CRLF2: variants seen among roughly 807,000 people sequenced by gnomAD.
CRLF2 encodes cytokine receptor-like factor 2.
In CRLF2, 41 loss-of-function variants were observed where a neutral mutation model predicts 38.7. That is an observed-to-expected ratio of 1.06 (90% confidence interval 0.83 to 1.37). The LOEUF is 1.37. Among genes scored for constraint, CRLF2 ranks in the 40% most tolerant of loss-of-function variants. The probability of loss-of-function intolerance (pLI) is 0.00; values close to 1 mark genes in which losing one functional copy is unlikely to be tolerated. For missense variants in CRLF2, 377 were observed against 322.2 expected, an observed-to-expected ratio of 1.17 and a Z score of -1.30; for synonymous variants, 140 against 128.8, an observed-to-expected ratio of 1.09 and a Z score of -0.59.
In CRLF2 at chrX:1,197,957, G is replaced by A. The variant is rs182652571; in HGVS notation, c.646+605C>T. On this transcript the variant is annotated intron_variant, in intron 5 of 7. Transcript: ENST00000400841. The stretch of plus-strand genomic sequence containing the variant: ...ACAGATGTTGCAGGGAGCCGAGATC[G>A]CGCCACTGCACTCCAGCCTGGGCAC... 1.5e-4 allele frequency among the ~76,000 whole-genome samples: 23 copies of A among 152,206 alleles called. No homozygotes were observed. The East Asian group carries it at 1.9e-3, about 13-fold the overall frequency.
At chrX:1,209,873 G>A (rs9785532) in intron 1 of CRLF2, among the ~76,000 whole-genome samples, 2,696 of 151,802 alleles carry the variant, frequency 0.018, 70 homozygotes, top group African/African-American at 0.061. Flanking sequence ...AGGCCGAGGC[G>A]GGTGGATCAC....
Position 1,190,563 on chromosome X carries a change from AC to A in CRLF2, c.*333del, listed in dbSNP as rs2086358293. 1 of 317,270 alleles carries A rather than the reference AC, an allele frequency of 3.2e-6. No homozygotes were observed. The highest frequency in any genetic ancestry group is 5.7e-6 in the Non-Finnish European group (1 of 174,222). 19.7% of individuals were successfully genotyped at this position (317,270 alleles called of 1,614,324 possible). ...GGTACATGGACGGAACTGGGGACTC[AC>A]AGAGTGGGAAGATGGTTTTACAGCA... On this transcript the variant is annotated 3_prime_UTR_variant, in exon 8 of 8. Coordinates refer to ENST00000400841, the MANE Select transcript of CRLF2 (RefSeq NM_022148.4).
intron 4 of CRLF2, 35 bp downstream of exon 4, chrX:1,202,367 C>A: frequency 6.2e-7 from 1 of 1,611,646 alleles, no homozygotes; most frequent in Non-Finnish European, 8.5e-7. Context: ...GGACGCTCAG[C>A]CACCATCGCC....
At chrX:1,196,615 C>T (rs2086480119) in intron 6 of CRLF2, among the ~76,000 whole-genome samples, 165 bp downstream of exon 6, 1 of 151,910 alleles carries the variant, frequency 6.6e-6, no homozygotes, top group Non-Finnish European at 1.5e-5. Context: ...GCCACCATGC[C>T]CAGCCCCTCC....
rs2086364032 is a variant in CRLF2 at position 1,191,016 on chromosome X, C to T, written c.997G>A (p.Glu333Lys). ...AGGGATCCCCCAGAGGCCTCTTTCT[C>T]CTCGGTCTGTGGGTCCAGCATCCTG... ...SPRMLDPQTEEKEASGGSLQL... is the reference protein window; with the variant it reads ...SPRMLDPQTEKKEASGGSLQL... The change falls in exon 8 of 8, where the codon GAG becomes AAG. Residue 333 changes from glutamate (E) to lysine (K), a missense_variant. Coordinates refer to ENST00000400841, the MANE Select transcript of CRLF2 (RefSeq NM_022148.4). 3 of 398,566 alleles carry T rather than the reference C, an allele frequency of 7.5e-6. No individual in the cohort carries two copies. The highest frequency in any genetic ancestry group is 6.2e-5 in the African/African-American group (3 of 48,632). The allele number at this position is 398,566 out of a possible 1,614,324, so 24.7% of individuals were successfully genotyped here. A position where few individuals can be genotyped will look rare whatever the true frequency, so the allele number is the denominator to read the frequency against.
rs1484230188 is a variant in CRLF2, at chrX:1,194,563, T to G, written c.768-1261A>C. ...TAAATATGTGATTATTTCCACCTTGTCGATAGGATGGGCTGAAATGGGACC... is the reference window on the plus strand; with the variant it reads ...TAAATATGTGATTATTTCCACCTTGGCGATAGGATGGGCTGAAATGGGACC... On this transcript the variant is annotated intron_variant, in intron 6 of 7. Coordinates refer to ENST00000400841, the MANE Select transcript of CRLF2 (RefSeq NM_022148.4). 9.9e-4 allele frequency among the ~76,000 whole-genome samples: 151 copies of G among 152,238 alleles called. 1 individual carries two copies. The highest frequency in any genetic ancestry group is 1.7e-3 in the South Asian group (8 of 4,818).
chrX:1,193,255 A>G lies in CRLF2; in HGVS notation c.815T>C (p.Phe272Ser), dbSNP rs1197002274. The change falls in exon 7 of 8, where the codon TTC (phenylalanine) becomes TCC (serine). Residue 272 changes from phenylalanine (F) to serine (S), a missense_variant. Phe to Ser is a radical substitution (Grantham distance 155, BLOSUM62 -2). Coordinates refer to ENST00000400841, the MANE Select transcript of CRLF2 (RefSeq NM_022148.4). The stretch of plus-strand genomic sequence containing the variant: ...TTGGTGTATCTCAAAGAGCCCGGGG[A>G]AGATGGATTTCGGGTCTGGCACGCT... ...IPSVPDPKSIFPGLFEIHQGN... is the reference protein window; with the variant it reads ...IPSVPDPKSISPGLFEIHQGN... 1.5e-4 allele frequency: 59 copies of G among 398,514 alleles called. No individual in the cohort carries two copies. Among genetic ancestry groups the G allele is most frequent in the Non-Finnish European group, 2.0e-4 (46 of 226,156 alleles). 24.7% of individuals were successfully genotyped at this position (398,514 alleles called of 1,614,324 possible).
At chrX:1,201,045 C>G (rs1489778669) in intron 4 of CRLF2, among the ~76,000 whole-genome samples, 1 of 152,044 alleles carries the variant, frequency 6.6e-6, no homozygotes, top group African/African-American at 2.4e-5. Context: ...TGCTCTTCAG[C>G]TACACACCCA....
rs2086736662 is a variant in CRLF2 at position 1,208,842 on chromosome X, C to T, written c.146G>A (p.Ser49Asn). ...LETVQVTWNA[S>N]KYSRTNLTFH... The stretch of plus-strand genomic sequence containing the variant: ...AGTCAGGTTGGTCCTGGAGTATTTG[C>T]TGGCATTCCATGTCACCTGCACGGT... Residue 49 changes from serine (S) to asparagine (N), a missense_variant, in exon 2 of 8, where the codon AGC (serine) becomes AAC (asparagine). By Grantham distance (46) the Ser-to-Asn change is conservative. Coordinates refer to ENST00000400841, the MANE Select transcript of CRLF2 (RefSeq NM_022148.4). The T allele has an allele frequency of 3.7e-6, 6 of 1,612,558 alleles. No homozygotes were observed. The highest frequency in any genetic ancestry group is 8.5e-7 in the Non-Finnish European group (1 of 1,178,604).
chrX:1,193,830 G>A (rs1302498984), intron 6 of CRLF2, among the ~76,000 whole-genome samples: 3,336 of 148,380 alleles, frequency 0.022, 58 homozygotes, highest in Non-Finnish European at 0.035. Flanking sequence ...GTGTGGTGGC[G>A]GATGCCTGTA....
At position 1,204,274 on chromosome X, in the gene CRLF2, G is replaced by C. The variant is rs1480889452; in HGVS notation, c.350-1739C>G. 3.3e-5 allele frequency among the ~76,000 whole-genome samples: 5 copies of C among 151,816 alleles called. No homozygotes were observed. The East Asian group carries it at 9.7e-4, about 29-fold the overall frequency. On this transcript the variant is annotated intron_variant, in intron 3 of 7. Coordinates refer to ENST00000400841, the MANE Select transcript of CRLF2 (RefSeq NM_022148.4). ...ATGGAGTTTCACTCTTGTTGTCCAG[G>C]CTGGAGTGCAATGGCGCGATCTCGG...
chrX:1,198,155 C>CCCGG (rs757208360), intron 5 of CRLF2, among the ~76,000 whole-genome samples: 3 of 76,814 alleles, frequency 3.9e-5, no homozygotes, highest in African/African-American at 9.0e-5. Flanking sequence ...CCTCCCACCT[C>CCCGG]GAAGGCAGGA....
chrX:1,203,123 G>A (rs2086638212), intron 3 of CRLF2, among the ~76,000 whole-genome samples: 2 of 138,236 alleles, frequency 1.4e-5, no homozygotes, highest in Non-Finnish European at 1.5e-5. Context: ...AAAAAAAAAG[G>A]ATCATTATAG....
At chrX:1,197,196 G>A (rs746245183) in intron 5 of CRLF2, among the ~76,000 whole-genome samples, 4 of 148,570 alleles carry the variant, frequency 2.7e-5, no homozygotes, top group South Asian at 2.1e-4. Context: ...GGACTCAAGC[G>A]ATTCTCCTGT....
chrX:1,204,150 C>CTGTGTGTG lies in CRLF2; in HGVS notation c.350-1623_350-1616dup, dbSNP rs782552615. 2.7e-3 allele frequency among the ~76,000 whole-genome samples: 337 copies of CTGTGTGTG among 124,760 alleles called. 6 individuals carry two copies. The highest frequency in any genetic ancestry group is 5.8e-3 in the Admixed American group (66 of 11,422). 81.8% of individuals were successfully genotyped at this position (124,760 alleles called of 152,430 possible). ...GATGAGAGAGTATTTCCAGCTCACT[C>CTGTGTGTG]TGTGTGTGTGTGTGTGTGTGTGTGT... On this transcript the variant is annotated intron_variant, in intron 3 of 7. Transcript: ENST00000400841.
At chrX:1,202,909 G>C (rs1183512587) in intron 3 of CRLF2, among the ~76,000 whole-genome samples, 1 of 151,850 alleles carries the variant, frequency 6.6e-6, no homozygotes, top group Non-Finnish European at 1.5e-5. Context: ...AGGAGTTCGA[G>C]ACCAGCCTGG....
intron 1 of CRLF2, among the ~76,000 whole-genome samples, chrX:1,209,521 T>A (rs557154731): frequency 3.5e-5 from 5 of 141,804 alleles, no homozygotes; most frequent in Non-Finnish European, 6.2e-5. Context: ...TTAGTAGAGA[T>A]GGGGTTTCAC....
At chrX:1,202,790 C>T (rs1165084513) in intron 3 of CRLF2, among the ~76,000 whole-genome samples, 2 of 151,914 alleles carry the variant, frequency 1.3e-5, no homozygotes, top group Admixed American at 6.6e-5. Context: ...TAAATTAAGT[C>T]CCCCACAAAA....
At chrX:1,196,466 G>A (rs186229443) in intron 6 of CRLF2, among the ~76,000 whole-genome samples, 3 of 151,902 alleles carry the variant, frequency 2.0e-5, no homozygotes, top group Non-Finnish European at 2.9e-5. Flanking sequence ...GATTACAGGC[G>A]TGAACCACCG....
Sources: gnomAD v4.1 joint callset for allele counts (sites outside exome capture counted in the v4.1 genomes callset) on GRCh38, gnomAD v4.1.1 for gene constraint, MANE v1.5 for transcripts, NCBI Gene and HGNC (gene_info 2026-07-23, HGNC 2026-07-21) for gene names.